Variants in RBFOX1 observed in about 807,000 individuals in gnomAD.
RBFOX1 encodes RNA binding fox-1 homolog 1.
In RBFOX1, 8 loss-of-function variants were observed where a neutral mutation model predicts 57.7. That is an observed-to-expected ratio of 0.14 (90% CI 0.08 to 0.25). The LOEUF is 0.25. Ranked by LOEUF, RBFOX1 falls within the 10% of genes least tolerant of loss-of-function variation. RBFOX1 has a pLI of 1.00. For missense variants in RBFOX1, 611 were observed against 548.5 expected (o/e 1.11, Z -1.14); for synonymous variants, 326 against 222.4 (o/e 1.47, Z -4.15).
At chr16:5,528,624 C>T (rs1034870971) in intron 2 of RBFOX1, among the ~76,000 whole-genome samples, 7 of 143,166 alleles carry the variant, frequency 4.9e-5, no homozygotes, top group Non-Finnish European at 1.0e-4. Context: ...CTTTCCTTCT[C>T]TCCTTCCTTC....
intron 3 of RBFOX1, among the ~76,000 whole-genome samples, chr16:6,883,320 TTGAA>T (rs1237690867): frequency 6.6e-6 from 1 of 152,178 alleles, no homozygotes; most frequent in African/African-American, 2.4e-5. Context: ...CCCTGGGAAT[TTGAA>T]TGAGTTAATA....
intron 4 of RBFOX1, among the ~76,000 whole-genome samples, chr16:7,129,370 A>G (rs1336311057): frequency 1.3e-5 from 2 of 152,172 alleles, no homozygotes; most frequent in Admixed American, 6.5e-5. Flanking sequence ...TACCTAAACC[A>G]TGGGTACTGG....
At chr16:7,078,764 C>A (rs911400824) in intron 4 of RBFOX1, among the ~76,000 whole-genome samples, 1 of 150,348 alleles carries the variant, frequency 6.7e-6, no homozygotes, top group African/African-American at 2.4e-5. Context: ...CTCACTGCAA[C>A]CTCCACTTCC....
At chr16:7,377,459 A>C (rs74010694) in intron 4 of RBFOX1, among the ~76,000 whole-genome samples, 2 of 152,236 alleles carry the variant, frequency 1.3e-5, no homozygotes, top group Admixed American at 1.3e-4. Flanking sequence ...GATATATTCA[A>C]TATGACAGCT....
intron 4 of RBFOX1, among the ~76,000 whole-genome samples, chr16:5,908,139 T>C (rs1246157142): frequency 6.9e-6 from 1 of 144,954 alleles, no homozygotes; most frequent in African/African-American, 2.7e-5. Flanking sequence ...TATATACACA[T>C]ATATACACAT....
intron 3 of RBFOX1, among the ~76,000 whole-genome samples, chr16:6,882,138 G>T (rs1441704655): frequency 2.0e-5 from 3 of 152,138 alleles, no homozygotes; most frequent in African/African-American, 7.2e-5. Flanking sequence ...CAAGGCTGCT[G>T]ATGGTCTTAG....
intron 3 of RBFOX1, among the ~76,000 whole-genome samples, chr16:5,699,409 T>G (rs1414077682): frequency 6.6e-6 from 1 of 151,552 alleles, no homozygotes; most frequent in Non-Finnish European, 1.5e-5. Context: ...TCAATAAAGT[T>G]TAGTTTATTT....
intron 4 of RBFOX1, among the ~76,000 whole-genome samples, chr16:7,400,128 A>T (rs1418890734): frequency 6.6e-6 from 1 of 152,104 alleles, no homozygotes; most frequent in Non-Finnish European, 1.5e-5. Context: ...TGGTATCCTA[A>T]TCCGGAATTT....
rs114835188 is a variant in RBFOX1, at chr16:6,923,926, T to G, written c.-15-128131T>G. On this transcript the variant is annotated intron_variant, in intron 3 of 15. Coordinates refer to ENST00000550418, the MANE Select transcript of RBFOX1 (RefSeq NM_018723.4). ...TGGCTGACACCTGTAATCCCAGCAC[T>G]TTGGAGGCTGAGTCAGGCAGATCAC... Among the ~76,000 whole-genome samples the G allele has an allele frequency of 9.0e-3, 1,374 of 152,156 alleles. 22 individuals are homozygous for G. Among genetic ancestry groups the G allele is most frequent in the African/African-American group, 0.031 (1,292 of 41,508 alleles).
intron 3 of RBFOX1, among the ~76,000 whole-genome samples, chr16:6,975,292 G>T (rs1411632521): frequency 1.3e-5 from 2 of 151,800 alleles, no homozygotes; most frequent in East Asian, 1.9e-4. Context: ...TTGAGACAGG[G>T]TCTCATTCTG....
intron 2 of RBFOX1, among the ~76,000 whole-genome samples, chr16:6,371,734 C>G (rs2090454781): frequency 6.6e-6 from 1 of 152,028 alleles, no homozygotes; most frequent in Non-Finnish European, 1.5e-5. Context: ...ATAGATAGAA[C>G]TAGGAAAAAA....
chr16:7,274,501 T>C (rs2095402647), intron 4 of RBFOX1, among the ~76,000 whole-genome samples: 1 of 152,100 alleles, frequency 6.6e-6, no homozygotes, highest in Non-Finnish European at 1.5e-5. Context: ...CATACATATG[T>C]TGAATGCCTG....
chr16:7,409,893 G>A (rs897426450), intron 4 of RBFOX1, among the ~76,000 whole-genome samples: 6 of 152,132 alleles, frequency 3.9e-5, no homozygotes, highest in Non-Finnish European at 8.8e-5. Context: ...TGGAGTTCCG[G>A]CAATGTCTTA....
At chr16:6,974,310 G>C (rs954706853) in intron 3 of RBFOX1, among the ~76,000 whole-genome samples, 4 of 139,226 alleles carry the variant, frequency 2.9e-5, no homozygotes, top group Non-Finnish European at 4.7e-5. Flanking sequence ...AGTTTGTGGT[G>C]ATATAAATCA....
chr16:5,298,390 G>A (rs1458937210), intron 1 of RBFOX1, among the ~76,000 whole-genome samples: 2 of 151,320 alleles, frequency 1.3e-5, no homozygotes, highest in Admixed American at 6.6e-5. Flanking sequence ...GAATGATGGC[G>A]TTTTGATTTC....
At position 5,866,711 on chromosome 16, in the gene RBFOX1, T is replaced by G. The variant is rs188983315; in HGVS notation, c.319-592T>G. 5.3e-3 allele frequency among the ~76,000 whole-genome samples: 800 copies of G among 152,342 alleles called. 2 individuals are homozygous for G. Among genetic ancestry groups the G allele is most frequent in the Non-Finnish European group, 8.0e-3 (547 of 68,024 alleles). The stretch of plus-strand genomic sequence containing the variant: ...ACATCCCGACTTTGGAAAAGTTACC[T>G]AACTTGTACAAACCCCAATATTTTC... On this transcript the variant is annotated intron_variant, in intron 3 of 19. Transcript: ENST00000641259.
intron 3 of RBFOX1, among the ~76,000 whole-genome samples, chr16:6,973,726 A>T (rs1313047612): frequency 6.6e-6 from 1 of 152,140 alleles, no homozygotes; most frequent in Non-Finnish European, 1.5e-5. Flanking sequence ...ACTCACTTTT[A>T]AGTTTTGGCG....
chr16:7,363,692 T>G (rs958801818), intron 4 of RBFOX1, among the ~76,000 whole-genome samples: 1 of 152,180 alleles, frequency 6.6e-6, no homozygotes, highest in Non-Finnish European at 1.5e-5. Flanking sequence ...TAAGTTGTTT[T>G]GTTGGAGGAC....
chr16:7,192,381 C>A (rs1289359859), intron 4 of RBFOX1, among the ~76,000 whole-genome samples: 2 of 152,108 alleles, frequency 1.3e-5, no homozygotes, highest in Non-Finnish European at 2.9e-5. Context: ...TTCTCTGAAT[C>A]CTAGTAGTGT....
Sources: gnomAD v4.1 joint callset for allele counts (sites outside exome capture counted in the v4.1 genomes callset) on GRCh38, gnomAD v4.1.1 for gene constraint, MANE v1.5 for transcripts, NCBI Gene and HGNC (gene_info 2026-07-23, HGNC 2026-07-21) for gene names.